The following BCAS1 variants were observed in gnomAD, a reference collection of about 807,000 sequenced individuals.
BCAS1 encodes breast carcinoma-amplified sequence 1.
In BCAS1, 46 loss-of-function variants were observed where a neutral mutation model predicts 65.4. The ratio of observed to expected loss-of-function variants is 0.70; its 90% confidence interval spans 0.55 to 0.90. The LOEUF (loss-of-function observed/expected upper bound fraction) is 0.90, where lower values mean the gene tolerates loss of function less well. Among genes scored for constraint, BCAS1 ranks in the 40% least tolerant of loss-of-function variants. The pLI is 0.00. For synonymous variants in BCAS1, 298 were observed against 293.5 expected, an observed-to-expected ratio of 1.02 and a Z score of -0.16; for missense variants, 793 against 771.2, an observed-to-expected ratio of 1.03 and a Z score of -0.33.
At chr20:54,047,324 T>C (rs1189045876) in intron 3 of BCAS1, among the ~76,000 whole-genome samples, 2 of 152,206 alleles carry the variant, frequency 1.3e-5, no homozygotes, top group Non-Finnish European at 2.9e-5. Context: ...GTTGGTTATA[T>C]AGGACCAGCC....
intron 2 of BCAS1, 39 bp from the exon 3 acceptor site, chr20:54,058,193 G>T: frequency 6.3e-7 from 1 of 1,581,894 alleles, no homozygotes; most frequent in Admixed American, 1.7e-5. Context: ...CAAATCTTCG[G>T]GGGAAAATCA....
At chr20:54,002,247 T>C (rs1196259816) in intron 4 of BCAS1, among the ~76,000 whole-genome samples, 2 of 152,100 alleles carry the variant, frequency 1.3e-5, no homozygotes, top group African/African-American at 4.8e-5. Flanking sequence ...TCCTCCCCCC[T>C]AGGCTATGGG....
At chr20:54,054,154 GC>G (rs1187970515) in intron 3 of BCAS1, among the ~76,000 whole-genome samples, 1 of 152,140 alleles carries the variant, frequency 6.6e-6, no homozygotes, top group African/African-American at 2.4e-5. Context: ...GGAAAAACAT[GC>G]CCCTATGATT....
intron 8 of BCAS1, among the ~76,000 whole-genome samples, chr20:53,981,503 G>A (rs1568839957): frequency 6.7e-6 from 1 of 150,178 alleles, no homozygotes; most frequent in Non-Finnish European, 1.5e-5. Context: ...TTTCAGAATC[G>A]GGTTATAATT....
In BCAS1 at chr20:53,953,073, G is replaced by A. The variant is rs545288823; in HGVS notation, c.1815+359C>T. Among the ~76,000 whole-genome samples, 6 of 152,326 alleles carry A rather than the reference G, an allele frequency of 3.9e-5. No homozygotes were observed. In the South Asian group the frequency reaches 1.0e-3, roughly 26 times the overall value. On this transcript the variant is annotated intron_variant, in intron 12 of 12. Transcript: ENST00000688948. ...GACACTGAACAAAACTGATGATGAT[G>A]TTGATGGTGATGATGACGATTACTT...
chr20:54,010,466 A>T (rs923069665), intron 4 of BCAS1, among the ~76,000 whole-genome samples: 4 of 152,214 alleles, frequency 2.6e-5, no homozygotes, highest in Admixed American at 2.6e-4. Context: ...ACCCATGGGC[A>T]CTGAAATTAA....
chr20:54,061,945 GT>G (rs73625500), intron 1 of BCAS1, among the ~76,000 whole-genome samples: 21,122 of 152,086 alleles, frequency 0.14, 1,939 homozygotes, highest in East Asian at 0.32. Context: ...CTAAAAATGA[GT>G]TTTAAATTTA....
chr20:53,981,137 A>C (rs780338687), intron 8 of BCAS1, among the ~76,000 whole-genome samples: 12 of 152,242 alleles, frequency 7.9e-5, no homozygotes, highest in Non-Finnish European at 1.5e-4. Flanking sequence ...CACTTAAGCC[A>C]GCATTTGCCC....
chr20:53,957,779 T>A (rs1156918968), intron 10 of BCAS1, among the ~76,000 whole-genome samples: 1 of 152,166 alleles, frequency 6.6e-6, no homozygotes, highest in Non-Finnish European at 1.5e-5. Context: ...TTCCAATTAA[T>A]GTTGGAAGCA....
chr20:54,047,027 C>T (rs1456218605), intron 3 of BCAS1, among the ~76,000 whole-genome samples: 3 of 152,096 alleles, frequency 2.0e-5, no homozygotes, highest in East Asian at 1.9e-4. Context: ...CTTCCTCATA[C>T]GGCATCTATT....
Position 54,027,145 on chromosome 20 carries a change from A to G in BCAS1, c.723+1247T>C, listed in dbSNP as rs376283409. 1.4e-4 allele frequency among the ~76,000 whole-genome samples: 21 copies of G among 152,336 alleles called. 1 individual carries two copies. Among genetic ancestry groups the G allele is most frequent in the East Asian group, 9.6e-4 (5 of 5,192 alleles). ...TGAAGGGAAAATGTTTAAACTCTGA[A>G]AGAAATGTTGGAAATAAGCTCTTTG... On this transcript the variant is annotated intron_variant, in intron 4 of 12. Transcript: ENST00000688948.
Position 54,028,812 on chromosome 20 carries a change from C to T in BCAS1, c.303G>A (p.Arg101=). 1 of 1,614,106 alleles carries T rather than the reference C, an allele frequency of 6.2e-7. No homozygotes were observed. The highest frequency in any genetic ancestry group is 1.7e-4 in the Middle Eastern group (1 of 6,060). Residue 101 remains arginine (R), a synonymous_variant, in exon 4 of 13, where the codon CGG becomes CGA. Transcript: ENST00000688948. Reference sequence around the variant, plus strand: ...GGTCTCCGGTACGTCCTGGTACAGGCCGAGAGAGCATCAAGAAAAAACGAG... The same window carrying T: ...GGTCTCCGGTACGTCCTGGTACAGGTCGAGAGAGCATCAAGAAAAAACGAG... ...AKSRFFLMLS[R]PVPGRTGDQA...
At chr20:54,018,401 CTTTTT>C (rs35997009) in intron 4 of BCAS1, among the ~76,000 whole-genome samples, 1 of 136,378 alleles carries the variant, frequency 7.3e-6, no homozygotes, top group African/African-American at 2.7e-5. Context: ...TATCCACTTA[CTTTTT>C]TTTTTTTTTT....
At chr20:54,018,728 A>G (rs879529842) in intron 4 of BCAS1, among the ~76,000 whole-genome samples, 11 of 152,198 alleles carry the variant, frequency 7.2e-5, no homozygotes, top group Non-Finnish European at 1.3e-4. Flanking sequence ...TCAAATTCTG[A>G]TAAGTGCTAT....
chr20:54,046,758 T>A (rs2092115712), intron 3 of BCAS1, among the ~76,000 whole-genome samples: 1 of 147,058 alleles, frequency 6.8e-6, no homozygotes, highest in South Asian at 2.2e-4. Flanking sequence ...GGCAGGAGAA[T>A]CACTTGATCT....
intron 3 of BCAS1, 146 bp from the exon 4 acceptor site, chr20:54,029,118 G>T: frequency 7.0e-7 from 1 of 1,436,308 alleles, no homozygotes; most frequent in South Asian, 1.5e-5. Context: ...GCAGAAGTTA[G>T]CTCTCTACAT....
intron 9 of BCAS1, among the ~76,000 whole-genome samples, chr20:53,973,614 A>C (rs2090241556): frequency 6.6e-6 from 1 of 152,200 alleles, no homozygotes; most frequent in East Asian, 1.9e-4. Context: ...CTCAAAGCTA[A>C]CAGATGCTAC....
chr20:53,971,118 T>G (rs1393604725), intron 9 of BCAS1, among the ~76,000 whole-genome samples: 4 of 152,242 alleles, frequency 2.6e-5, no homozygotes, highest in Admixed American at 2.6e-4. Context: ...AATTGTATTA[T>G]TTCTCCAATT....
intron 4 of BCAS1, among the ~76,000 whole-genome samples, chr20:54,019,146 T>G (rs1293671409): frequency 1.3e-5 from 2 of 152,232 alleles, no homozygotes; most frequent in Non-Finnish European, 2.9e-5. Context: ...GTTTTTTATT[T>G]TATTTTACTT....
Sources: gnomAD v4.1 joint callset for allele counts (sites outside exome capture counted in the v4.1 genomes callset) on GRCh38, gnomAD v4.1.1 for gene constraint, MANE v1.5 for transcripts, NCBI Gene and HGNC (gene_info 2026-07-23, HGNC 2026-07-21) for gene names.